The following BMP8B variants were observed in gnomAD, a reference collection of about 807,000 sequenced individuals.
The protein encoded by BMP8B is bone morphogenetic protein 8b, also known as bone morphogenetic protein 8 (osteogenic protein 2).
In BMP8B, 17 loss-of-function variants were observed where a neutral mutation model predicts 30.3. The ratio of observed to expected loss-of-function variants is 0.56; its 90% CI spans 0.38 to 0.84. BMP8B has a LOEUF of 0.84. BMP8B is among the 40% of genes least tolerant of loss of function. The probability of loss-of-function intolerance (pLI) is 0.00; values close to 1 mark genes in which losing one functional copy is unlikely to be tolerated. For missense variants in BMP8B, 253 were observed against 494.6 expected, an observed-to-expected ratio of 0.51 and a Z score of 4.63; for synonymous variants, 131 against 214.7, an observed-to-expected ratio of 0.61 and a Z score of 3.41.
At chr1:39,781,554 C>G (rs1481428213) in intron 1 of BMP8B, among the ~76,000 whole-genome samples, 4 of 152,192 alleles carry the variant, frequency 2.6e-5, no homozygotes, top group Non-Finnish European at 5.9e-5. Flanking sequence ...AGACCATAAT[C>G]GTGTAAATTG....
intron 6 of BMP8B, among the ~76,000 whole-genome samples, chr1:39,761,591 C>T (rs1189760431): frequency 1.3e-5 from 2 of 152,174 alleles, no homozygotes; most frequent in Non-Finnish European, 1.5e-5. Flanking sequence ...CGGCCCTGCC[C>T]ACCCTGGTGT....
intron 1 of BMP8B, among the ~76,000 whole-genome samples, chr1:39,783,225 G>A (rs1158466899): frequency 6.6e-6 from 1 of 152,174 alleles, no homozygotes; most frequent in Non-Finnish European, 1.5e-5. Context: ...CCCACTTCCA[G>A]GGCCTACCCT....
At chr1:39,783,753 T>C (rs1166787665) in intron 1 of BMP8B, among the ~76,000 whole-genome samples, 1 of 152,032 alleles carries the variant, frequency 6.6e-6, no homozygotes, top group African/African-American at 2.4e-5. Context: ...ACAAAAGATT[T>C]GAAGCAATTA....
At chr1:39,763,056 C>A (rs746739045) in intron 6 of BMP8B, 36 bp downstream of exon 6, 5 of 1,604,590 alleles carry the variant, frequency 3.1e-6, no homozygotes, top group Non-Finnish European at 4.3e-6. Flanking sequence ...GGGCCCCCCA[C>A]CCCAGGGGGC....
intron 1 of BMP8B, among the ~76,000 whole-genome samples, chr1:39,784,198 G>T (rs1257257748): frequency 6.6e-6 from 1 of 152,202 alleles, no homozygotes; most frequent in Non-Finnish European, 1.5e-5. Flanking sequence ...AGATGCAGAG[G>T]TTCTGGGCAC....
At chr1:39,769,822 C>G in intron 3 of BMP8B, 1 of 1,613,508 alleles carries the variant, frequency 6.2e-7, no homozygotes, top group Non-Finnish European at 8.5e-7. Flanking sequence ...TCAGCTCTTT[C>G]TTCCTGTGCA....
At chr1:39,770,468 T>C (rs752698927) in intron 3 of BMP8B, 5 of 1,610,010 alleles carry the variant, frequency 3.1e-6, no homozygotes, top group Non-Finnish European at 4.2e-6. Context: ...TACATAAATG[T>C]TAGGAACGTG....
At chr1:39,786,596 T>G (rs1650996947) in intron 1 of BMP8B, among the ~76,000 whole-genome samples, 1 of 152,156 alleles carries the variant, frequency 6.6e-6, no homozygotes. Context: ...TGGTGACGCA[T>G]TCTGATGGGC....
intron 3 of BMP8B, chr1:39,770,013 T>G: frequency 6.7e-7 from 1 of 1,481,672 alleles, no homozygotes. Context: ...TTCACCTTCT[T>G]GCCAGGGATC....
chr1:39,770,266 G>C (rs746326603), intron 3 of BMP8B: 1 of 1,550,264 alleles, frequency 6.5e-7, no homozygotes, highest in Non-Finnish European at 8.7e-7. Context: ...TGCTGGGACT[G>C]ATGAAGTTGC....
Position 39,788,164 on chromosome 1 carries a change from A to G in BMP8B, c.322T>C (p.Phe108Leu), listed in dbSNP as rs1184690048. The part of the protein sequence containing the change: ...RLGRADLVMS[F>L]VNMVERDRAL... The stretch of plus-strand genomic sequence containing the variant: ...CGGCCGCACTCACCCATGTTAACGA[A>G]GCTCATGACCAGGTCGGCGCGGCCC... Residue 108 changes from phenylalanine to leucine, a missense_variant, in exon 1 of 7, where the codon TTC (phenylalanine) becomes CTC (leucine). Transcript: ENST00000372827. The surrounding 1 kb of genome is among the most constrained non-coding windows in gnomAD (Gnocchi z 5.8). The G allele has an allele frequency of 1.3e-6, 2 of 1,570,800 alleles. No individual in the cohort carries two copies. Among genetic ancestry groups the G allele is most frequent in the Non-Finnish European group, 1.7e-6 (2 of 1,168,998 alleles).
In BMP8B at chr1:39,763,416, G is replaced by A. The variant is rs2002622; in HGVS notation, c.949-214C>T. Among the ~76,000 whole-genome samples, 803 of 101,018 alleles carry A rather than the reference G, an allele frequency of 7.9e-3. 68 individuals carry two copies. The highest frequency in any genetic ancestry group is 0.02 in the African/African-American group (678 of 34,442). The allele number at this position is 101,018 out of a possible 152,430, so 66.3% of individuals were successfully genotyped here. ...CCCCAGCCGGCCCTCCCCTGCCCAC[G>A]CCTCCCAGAGCTGCAGTCGTAGCCA... On this transcript the variant is annotated intron_variant, in intron 5 of 6. Coordinates refer to ENST00000372827, the MANE Select transcript of BMP8B (RefSeq NM_001720.5).
chr1:39,778,875 C>T (rs1318109632), intron 1 of BMP8B, among the ~76,000 whole-genome samples: 3 of 151,370 alleles, frequency 2.0e-5, no homozygotes, highest in African/African-American at 7.3e-5. Context: ...GGTGCACCTC[C>T]CCACCCTGTG....
At position 39,788,859 on chromosome 1, in the gene BMP8B, A is replaced by G. The variant is rs1362303740; in HGVS notation, c.-374T>C. Reference sequence around the variant, plus strand: ...CCACCCGCTTGGTGCGGTTCCCGCGAGTCCCTGCCCTGCCCTGCCCAGCGG... The same window carrying G: ...CCACCCGCTTGGTGCGGTTCCCGCGGGTCCCTGCCCTGCCCTGCCCAGCGG... On this transcript the variant is annotated 5_prime_UTR_variant, in exon 1 of 7. Coordinates refer to ENST00000372827, the MANE Select transcript of BMP8B (RefSeq NM_001720.5). The surrounding 1 kb of genome is among the most constrained non-coding windows in gnomAD (Gnocchi z 5.8). The G allele has an allele frequency of 6.6e-6, 1 of 151,808 alleles. No homozygotes were observed. The highest frequency in any genetic ancestry group is 1.5e-5 in the Non-Finnish European group (1 of 68,096). The allele number at this position is 151,808 out of a possible 1,614,324, so 9.4% of individuals were successfully genotyped here. A position where few individuals can be genotyped will look rare whatever the true frequency, so the allele number is the denominator to read the frequency against.
chr1:39,783,552 T>C (rs1485276855), intron 1 of BMP8B, among the ~76,000 whole-genome samples: 1 of 152,186 alleles, frequency 6.6e-6, no homozygotes, highest in Non-Finnish European at 1.5e-5. Flanking sequence ...AGATTTATTG[T>C]TAAATGAAAA....
intron 1 of BMP8B, among the ~76,000 whole-genome samples, chr1:39,787,684 A>G (rs1651080893): frequency 6.6e-6 from 1 of 152,042 alleles, no homozygotes; most frequent in Non-Finnish European, 1.5e-5. Context: ...CCGCACAGAG[A>G]AGAGCCTGCT....
In BMP8B at chr1:39,771,175, G is replaced by A. The variant is rs369784108; in HGVS notation, c.673+3133C>T. On this transcript the variant is annotated intron_variant, in intron 3 of 6. Transcript: ENST00000372827. The stretch of plus-strand genomic sequence containing the variant: ...GACTGGTGGCAAAGCAGCGGGCGCA[G>A]CCCTGGGACAGCGCGAGCCCTGAGC... 8.2e-4 allele frequency: 1,268 copies of A among 1,551,046 alleles called. 36 individuals are homozygous for A. The African/African-American group carries it at 0.016, about 19-fold the overall frequency.
chr1:39,761,939 GAGGGGC>G (rs1472971230), intron 6 of BMP8B, among the ~76,000 whole-genome samples: 2 of 152,252 alleles, frequency 1.3e-5, no homozygotes, highest in African/African-American at 4.8e-5. Context: ...TTGAGCCCCT[GAGGGGC>G]AGGGGCAAGG....
At chr1:39,768,065 C>A (rs1007672118) in intron 3 of BMP8B, among the ~76,000 whole-genome samples, 1 of 149,938 alleles carries the variant, frequency 6.7e-6, no homozygotes. Flanking sequence ...GTCAACAGCA[C>A]GTGTGCACGC....
Sources: allele counts gnomAD v4.1 joint callset (sites outside exome capture counted in the v4.1 genomes callset), GRCh38; gene constraint gnomAD v4.1.1; non-coding constraint Gnocchi (gnomAD v3.1); transcripts MANE v1.5; gene names NCBI Gene and HGNC (gene_info 2026-07-23, HGNC 2026-07-21).